Variants in THRAP3 observed in about 807,000 individuals in gnomAD.
The protein encoded by THRAP3 is thyroid hormone receptor associated protein 3.
A neutral mutation model predicts 101.0 loss-of-function variants in THRAP3; 16 were observed. The ratio of observed to expected loss-of-function variants is 0.16; its 90% confidence interval spans 0.11 to 0.24. The LOEUF is 0.24. Among genes scored for constraint, THRAP3 ranks in the 10% least tolerant of loss-of-function variants. THRAP3 has a pLI of 1.00. For synonymous variants in THRAP3, 407 were observed against 422.6 expected, an observed-to-expected ratio of 0.96 and a Z score of 0.45; for missense variants, 989 against 1,202.7, an observed-to-expected ratio of 0.82 and a Z score of 2.63.
intron 1 of THRAP3, among the ~76,000 whole-genome samples, chr1:36,226,785 T>A (rs1644966875): frequency 6.6e-6 from 1 of 152,194 alleles, no homozygotes; most frequent in African/African-American, 2.4e-5. Context: ...AAATACTACT[T>A]GAGAGCCTGT....
intron 1 of THRAP3, among the ~76,000 whole-genome samples, chr1:36,247,491 A>G (rs1166236621): frequency 6.6e-6 from 1 of 151,630 alleles, no homozygotes; most frequent in Non-Finnish European, 1.5e-5. Context: ...TACCCCACTA[A>G]TTTTTTGTAT....
the THRAP3 span, among the ~76,000 whole-genome samples, chr1:36,215,808 G>A: frequency 1.3e-5 from 2 of 151,216 alleles, no homozygotes; most frequent in Non-Finnish European, 1.5e-5. Flanking sequence ...GGAGTGCAAC[G>A]GCACGATCTC....
chr1:36,209,273 T>C, the THRAP3 span, among the ~76,000 whole-genome samples: 8 of 152,122 alleles, frequency 5.3e-5, no homozygotes, highest in African/African-American at 1.9e-4. Flanking sequence ...CCACTGCATC[T>C]GGCCCAACAT....
intron 9 of THRAP3, among the ~76,000 whole-genome samples, chr1:36,298,007 C>T (rs1645975147): frequency 6.6e-6 from 1 of 150,656 alleles, no homozygotes. Context: ...ATTAGCCGGG[C>T]ATGGTGGCGT....
chr1:36,271,663 C>G (rs928296849), intron 2 of THRAP3, among the ~76,000 whole-genome samples: 1 of 135,856 alleles, frequency 7.4e-6, no homozygotes, highest in Non-Finnish European at 1.5e-5. Context: ...GTGCAGTCTT[C>G]GCTCACCACA....
intron 2 of THRAP3, among the ~76,000 whole-genome samples, chr1:36,270,527 G>T (rs1436402250): frequency 6.6e-6 from 1 of 151,042 alleles, no homozygotes; most frequent in South Asian, 2.1e-4. Context: ...TTCCAAAATG[G>T]ACATGGACTC....
chr1:36,254,292 G>A (rs1254618904), intron 1 of THRAP3, among the ~76,000 whole-genome samples: 1 of 152,118 alleles, frequency 6.6e-6, no homozygotes, highest in African/African-American at 2.4e-5. Context: ...TTGCTTTCTT[G>A]TAAGTTGGGA....
chr1:36,259,064 T>C (rs1645411361), intron 1 of THRAP3, among the ~76,000 whole-genome samples: 2 of 152,230 alleles, frequency 1.3e-5, no homozygotes, highest in South Asian at 4.1e-4. Flanking sequence ...ATCTGATTTT[T>C]GTCAGGTTCA....
chr1:36,270,332 T>A (rs1394388990), intron 2 of THRAP3, among the ~76,000 whole-genome samples: 1 of 152,094 alleles, frequency 6.6e-6, no homozygotes, highest in Non-Finnish European at 1.5e-5. Context: ...AGGTTGAGGC[T>A]GCAGTGAGCT....
At chr1:36,243,485 C>T (rs1182042917) in intron 1 of THRAP3, among the ~76,000 whole-genome samples, 4 of 152,076 alleles carry the variant, frequency 2.6e-5, no homozygotes, top group Non-Finnish European at 5.9e-5. Context: ...GTGGATACAG[C>T]ACATGTTTCA....
At chr1:36,218,490 G>A in the THRAP3 span, among the ~76,000 whole-genome samples, 1 of 151,158 alleles carries the variant, frequency 6.6e-6, no homozygotes, top group South Asian at 2.1e-4. Flanking sequence ...GCCGAGGTGG[G>A]TGGATCACAA....
chr1:36,295,489 C>G (rs1478193628), intron 8 of THRAP3, among the ~76,000 whole-genome samples: 1 of 151,856 alleles, frequency 6.6e-6, no homozygotes, highest in Non-Finnish European at 1.5e-5. Flanking sequence ...TGTGCTGTTG[C>G]TGCTGCAAAA....
rs570572698 is a variant in THRAP3, at chr1:36,233,681, G to A, written c.-135+9176G>A. On this transcript the variant is annotated intron_variant, in intron 1 of 11. Transcript: ENST00000354618. ...CTTAGGGGGCTGAGGCAGGAGGATT[G>A]CTTGAACCCAGGAGGTTGAGGCTGT... is the stretch of plus-strand genomic sequence containing the variant. Among the ~76,000 whole-genome samples the A allele has an allele frequency of 5.3e-5, 8 of 152,186 alleles. No homozygotes were observed. The East Asian group carries it at 7.7e-4, about 15-fold the overall frequency.
chr1:36,267,443 A>AAAT (rs1350027978), intron 2 of THRAP3, among the ~76,000 whole-genome samples: 2 of 152,318 alleles, frequency 1.3e-5, no homozygotes, highest in East Asian at 3.9e-4. Context: ...CACATGCACC[A>AAAT]AATAAGAGTT....
chr1:36,301,119 C>T, intron 10 of THRAP3, 35 bp downstream of exon 10: 1 of 1,597,084 alleles, frequency 6.3e-7, no homozygotes, highest in Non-Finnish European at 8.6e-7. Flanking sequence ...TCTCTGAGAC[C>T]CTTGCTCCTA....
At chr1:36,265,786 G>A (rs931921389) in intron 2 of THRAP3, among the ~76,000 whole-genome samples, 2 of 151,920 alleles carry the variant, frequency 1.3e-5, no homozygotes, top group African/African-American at 4.8e-5. Flanking sequence ...TTTAAGCCCC[G>A]CATGCATTAG....
intron 4 of THRAP3, chr1:36,288,128 C>T (rs886345713): frequency 2.1e-5 from 21 of 984,090 alleles, no homozygotes; most frequent in Non-Finnish European, 2.4e-5. Context: ...CTGTACTTGC[C>T]TTCAGTAAGT....
At chr1:36,213,854 GAAAGAAAGAA>G in the THRAP3 span, among the ~76,000 whole-genome samples, 1 of 132,070 alleles carries the variant, frequency 7.6e-6, no homozygotes, top group Admixed American at 8.0e-5. Context: ...TGAAAGAAAA[GAAAGAAAGAA>G]AAAGAAAGAA....
chr1:36,271,236 G>A (rs1645586743), intron 2 of THRAP3, among the ~76,000 whole-genome samples: 1 of 152,178 alleles, frequency 6.6e-6, no homozygotes, highest in Non-Finnish European at 1.5e-5. Flanking sequence ...AAAGTTTTAA[G>A]AATTTCAGTA....
Sources: gnomAD v4.1 joint callset for allele counts (sites outside exome capture counted in the v4.1 genomes callset) on GRCh38, gnomAD v4.1.1 for gene constraint, MANE v1.5 for transcripts, NCBI Gene and HGNC (gene_info 2026-07-23, HGNC 2026-07-21) for gene names.